The following ATP8A1 variants were observed in gnomAD, a reference collection of about 807,000 sequenced individuals.
The protein encoded by ATP8A1 is ATPase phospholipid transporting 8A1.
A neutral mutation model predicts 177.7 loss-of-function variants in ATP8A1; 90 were observed. That is an observed-to-expected ratio of 0.51 (90% CI 0.43 to 0.60). The LOEUF (loss-of-function observed/expected upper bound fraction) is 0.60, where lower values mean the gene tolerates loss of function less well. Ranked by LOEUF, ATP8A1 falls within the 20% of genes least tolerant of loss-of-function variation. ATP8A1 has a pLI of 0.00. For missense variants in ATP8A1, 1,072 were observed against 1,392.8 expected (o/e 0.77, Z 3.67); for synonymous variants, 493 against 485.9 (o/e 1.01, Z -0.19).
intron 35 of ATP8A1, among the ~76,000 whole-genome samples, chr4:42,415,900 G>C (rs1455962965): frequency 6.6e-6 from 1 of 152,172 alleles, no homozygotes; most frequent in Non-Finnish European, 1.5e-5. Context: ...AAAATATTTA[G>C]AAATGTTAAC....
intron 4 of ATP8A1, among the ~76,000 whole-genome samples, chr4:42,618,397 A>G (rs1452528387): frequency 6.6e-6 from 1 of 152,126 alleles, no homozygotes; most frequent in Non-Finnish European, 1.5e-5. Context: ...CTCTCATCTG[A>G]GCTCCACGAT....
intron 25 of ATP8A1, among the ~76,000 whole-genome samples, chr4:42,474,053 C>T (rs539937335): frequency 6.6e-6 from 1 of 152,234 alleles, no homozygotes; most frequent in East Asian, 1.9e-4. Flanking sequence ...CTTCTCTCAC[C>T]TTAAAACTAC....
rs771077158 is a variant in ATP8A1, at chr4:42,464,907, A to G, written c.2494T>C (p.Tyr832His). The G allele has an allele frequency of 1.9e-6, 3 of 1,614,214 alleles. No homozygotes were observed. The highest frequency in any genetic ancestry group is 2.5e-6 in the Non-Finnish European group (3 of 1,180,016). ...TGACGCTTTACCTGAGCTATGGAGT[A>G]GTCAGAGGAATTAGCTGCCTGCAGG... ...EGLQAANSSD[Y>H]SIAQFKYLKN... Residue 832 changes from tyrosine (Y) to histidine (H), a missense_variant, in exon 26 of 37, where the codon TAC becomes CAC. Physicochemically the swap from Tyr to His is moderately conservative, Grantham distance 83 (BLOSUM62 2). Around this residue, in one of 5 missense-constraint regions of ATP8A1, gnomAD observed 316 missense variants for 459.1 expected, o/e 0.69. Transcript: ENST00000381668.
intron 25 of ATP8A1, among the ~76,000 whole-genome samples, chr4:42,474,382 GC>G (rs1284012456): frequency 2.2e-4 from 34 of 152,318 alleles, no homozygotes; most frequent in African/African-American, 7.5e-4. Flanking sequence ...GCTGGATGGA[GC>G]CTCACTCATT....
intron 5 of ATP8A1, among the ~76,000 whole-genome samples, chr4:42,614,809 A>G (rs1736737006): frequency 6.6e-6 from 1 of 152,134 alleles, no homozygotes; most frequent in Non-Finnish European, 1.5e-5. Context: ...ATTTTCCTGA[A>G]AAACCCCTCT....
chr4:42,495,450 TA>T (rs1447767114), intron 24 of ATP8A1, among the ~76,000 whole-genome samples: 2 of 152,196 alleles, frequency 1.3e-5, no homozygotes, highest in African/African-American at 4.8e-5. Flanking sequence ...CAGGTGGTAG[TA>T]AAAGAACGTA....
intron 16 of ATP8A1, among the ~76,000 whole-genome samples, chr4:42,554,835 G>A (rs1394890901): frequency 1.3e-5 from 2 of 152,158 alleles, no homozygotes; most frequent in African/African-American, 4.8e-5. Context: ...GTGGGATGGG[G>A]AAGGCAGATC....
intron 25 of ATP8A1, among the ~76,000 whole-genome samples, chr4:42,475,609 T>C (rs1280823542): frequency 6.6e-6 from 1 of 151,988 alleles, no homozygotes; most frequent in Non-Finnish European, 1.5e-5. Context: ...CCTGAAATAT[T>C]CAATTAGGCT....
At chr4:42,594,292 G>T in intron 6 of ATP8A1, 2 of 1,587,044 alleles carry the variant, frequency 1.3e-6, no homozygotes, top group Non-Finnish European at 1.7e-6. Flanking sequence ...TCTCTACCTT[G>T]ATGAGAGAAG....
chr4:42,472,485 A>C, intron 25 of ATP8A1: 3 of 304,974 alleles, frequency 9.8e-6, no homozygotes, highest in South Asian at 9.0e-5. Flanking sequence ...GCAGTGGCTC[A>C]CGCCTGTAAT....
chr4:42,487,742 T>C (rs1474527191), intron 24 of ATP8A1, among the ~76,000 whole-genome samples: 2 of 152,192 alleles, frequency 1.3e-5, no homozygotes, highest in African/African-American at 2.4e-5. Flanking sequence ...TACATTTGTA[T>C]GCAAATGCGG....
chr4:42,563,897 C>T (rs562917182), intron 15 of ATP8A1, among the ~76,000 whole-genome samples: 1 of 152,158 alleles, frequency 6.6e-6, no homozygotes, highest in Non-Finnish European at 1.5e-5. Context: ...GAGTACAAGA[C>T]CAGCCCAGCC....
chr4:42,493,516 A>T (rs570445690), intron 24 of ATP8A1, among the ~76,000 whole-genome samples: 181 of 152,290 alleles, frequency 1.2e-3, no homozygotes, highest in African/African-American at 4.2e-3. Context: ...CATATCAAAA[A>T]GTATTATGGG....
chr4:42,608,336 G>A (rs1158982242), intron 5 of ATP8A1, among the ~76,000 whole-genome samples: 16 of 142,932 alleles, frequency 1.1e-4, no homozygotes, highest in African/African-American at 2.9e-4. Flanking sequence ...AAGTGTCACC[G>A]GGGTGCCCTC....
At chr4:42,435,426 CAAAAAAAAAAAAAA>C (rs55945370) in intron 33 of ATP8A1, among the ~76,000 whole-genome samples, 8 of 93,958 alleles carry the variant, frequency 8.5e-5, no homozygotes, top group African/African-American at 3.0e-4. Flanking sequence ...GACTTCATCT[CAAAAAAAAAAAAAA>C]AAAAAAAAAC....
At chr4:42,636,157 C>CGCGCGCGT (rs1491432616) in intron 1 of ATP8A1, among the ~76,000 whole-genome samples, 10 of 15,084 alleles carry the variant, frequency 6.6e-4, no homozygotes, top group African/African-American at 1.0e-3. Flanking sequence ...CACACACACA[C>CGCGCGCGT]GCACACACAC....
chr4:42,632,532 A>T (rs1016353921), intron 1 of ATP8A1, among the ~76,000 whole-genome samples: 1 of 152,244 alleles, frequency 6.6e-6, no homozygotes, highest in African/African-American at 2.4e-5. Context: ...AGAAGGACCA[A>T]GAATTTCAGT....
intron 25 of ATP8A1, among the ~76,000 whole-genome samples, chr4:42,477,541 T>TG (rs1721204388): frequency 6.6e-6 from 1 of 152,192 alleles, no homozygotes; most frequent in Non-Finnish European, 1.5e-5. Context: ...AACTCTTGCC[T>TG]GGGGGCATAC....
At chr4:42,623,222 A>G (rs1737677981) in intron 4 of ATP8A1, among the ~76,000 whole-genome samples, 1 of 152,192 alleles carries the variant, frequency 6.6e-6, no homozygotes, top group Non-Finnish European at 1.5e-5. Context: ...TGTAGAGAAA[A>G]AGGAACATTT....
Sources: allele counts gnomAD v4.1 joint callset (sites outside exome capture counted in the v4.1 genomes callset), GRCh38; gene constraint gnomAD v4.1.1; regional missense constraint gnomAD v4.1.1; transcripts MANE v1.5; gene names NCBI Gene and HGNC (gene_info 2026-07-23, HGNC 2026-07-21).